Variants in TRIP12 observed in about 807,000 individuals in gnomAD.
TRIP12 encodes the protein thyroid hormone receptor interactor 12, also known as E3 ubiquitin-protein ligase TRIP12.
Under a neutral mutation model 244.2 loss-of-function variants are expected in TRIP12, and 25 were observed. The observed-to-expected ratio is 0.10, with a 90% CI of 0.07 to 0.14. TRIP12 has a LOEUF of 0.14. TRIP12 is among the 10% of genes least tolerant of loss of function. TRIP12 has a pLI of 1.00. For synonymous variants in TRIP12, 905 were observed against 873.1 expected (o/e 1.04, Z -0.64); for missense variants, 1,677 against 2,486.4 (o/e 0.67, Z 6.92).
intron 2 of TRIP12, among the ~76,000 whole-genome samples, chr2:229,875,806 C>CT (rs2063480892): frequency 6.6e-6 from 1 of 152,144 alleles, no homozygotes; most frequent in African/African-American, 2.4e-5. Context: ...GAAACGAAGG[C>CT]TACAATGACA....
At chr2:229,881,162 C>G (rs1342665748) in intron 1 of TRIP12, among the ~76,000 whole-genome samples, 1 of 152,148 alleles carries the variant, frequency 6.6e-6, no homozygotes, top group African/African-American at 2.4e-5. Context: ...TTGTCAGCAA[C>G]AAGAAATTGC....
chr2:229,815,384 T>G (rs2048243496), intron 9 of TRIP12, 76 bp from the exon 10 acceptor site: 1 of 861,366 alleles, frequency 1.2e-6, no homozygotes, highest in South Asian at 1.7e-5. Context: ...CTCTTCTATT[T>G]GAACTTCAAC....
chr2:229,856,223 T>G (rs1193183391), intron 4 of TRIP12, among the ~76,000 whole-genome samples: 1 of 152,078 alleles, frequency 6.6e-6, no homozygotes, highest in Admixed American at 6.5e-5. Context: ...AACGGAAAAG[T>G]GATTTAATAG....
At chr2:229,915,605 G>T (rs2075227297) in intron 1 of TRIP12, among the ~76,000 whole-genome samples, 2 of 118,070 alleles carry the variant, frequency 1.7e-5, no homozygotes, top group Non-Finnish European at 3.5e-5. Flanking sequence ...CACTACTTGG[G>T]ATTAGTGTCC....
chr2:229,797,680 G>T lies in TRIP12; in HGVS notation c.3624+10C>A, dbSNP rs554281615. 73 of 1,612,846 alleles carry T rather than the reference G, an allele frequency of 4.5e-5. No homozygotes were observed. Among genetic ancestry groups the T allele is most frequent in the Non-Finnish European group, 6.0e-5 (71 of 1,179,502 alleles). On this transcript the variant is annotated intron_variant, in intron 24 of 41. Coordinates refer to ENST00000675903, the MANE Select transcript of TRIP12 (RefSeq NM_001348323.3). ...TGAAAAAGACCAGCAAAATGCACTGGACACAGCACCTGGAGGTTGAGTTGT... is the reference window on the plus strand; with the variant it reads ...TGAAAAAGACCAGCAAAATGCACTGTACACAGCACCTGGAGGTTGAGTTGT...
intron 4 of TRIP12, among the ~76,000 whole-genome samples, chr2:229,850,584 G>A (rs12997178): frequency 2.6e-5 from 4 of 152,168 alleles, no homozygotes; most frequent in Non-Finnish European, 4.4e-5. Flanking sequence ...GCTCGCTCTC[G>A]GCGCCTCCTC....
At chr2:229,838,788 T>TTA (rs2055546396) in intron 5 of TRIP12, among the ~76,000 whole-genome samples, 1 of 152,124 alleles carries the variant, frequency 6.6e-6, no homozygotes. Flanking sequence ...AGCAAACAGG[T>TTA]GTACTAAATC....
chr2:229,853,032 T>C (rs1481858903), intron 4 of TRIP12, among the ~76,000 whole-genome samples: 1 of 152,192 alleles, frequency 6.6e-6, no homozygotes, highest in Non-Finnish European at 1.5e-5. Flanking sequence ...AGAATGGTTT[T>C]TCATAAAGCA....
chr2:229,815,263 A>G lies in TRIP12; in HGVS notation c.1635+10T>C. The G allele has an allele frequency of 6.7e-7, 1 of 1,500,046 alleles. No homozygotes were observed. 92.9% of individuals were successfully genotyped at this position (1,500,046 alleles called of 1,614,324 possible). A position where few individuals can be genotyped will look rare whatever the true frequency, so the allele number is the denominator to read the frequency against. On this transcript the variant is annotated intron_variant, in intron 10 of 41. Coordinates refer to ENST00000675903, the MANE Select transcript of TRIP12 (RefSeq NM_001348323.3). ...ATATACACCATTAAAAAAATACAAT[A>G]TATACTTACAATATCAAAATTGTGC...
chr2:229,869,554 A>T (rs1333656405), intron 2 of TRIP12, among the ~76,000 whole-genome samples: 1 of 152,058 alleles, frequency 6.6e-6, no homozygotes, highest in African/African-American at 2.4e-5. Flanking sequence ...CATTCCCCCT[A>T]CCGAGCTGGG....
chr2:229,835,964 T>C lies in TRIP12; in HGVS notation c.1270+884A>G, dbSNP rs534690631. ...TCCTCTCCCACCATATAATTTATCA[T>C]ATAAAACTAAGAAAGTGTAGTGCTT... On this transcript the variant is annotated intron_variant, in intron 6 of 41. Coordinates refer to ENST00000675903, the MANE Select transcript of TRIP12 (RefSeq NM_001348323.3). 3.8e-4 allele frequency among the ~76,000 whole-genome samples: 58 copies of C among 152,282 alleles called. 1 individual carries two copies. Among genetic ancestry groups the C allele is most frequent in the East Asian group, 2.9e-3 (15 of 5,192 alleles).
chr2:229,798,424 C>T (rs1202355916), intron 23 of TRIP12, among the ~76,000 whole-genome samples: 2 of 150,550 alleles, frequency 1.3e-5, no homozygotes, highest in Non-Finnish European at 2.9e-5. Flanking sequence ...TGTTGGTATG[C>T]TACATGCAGA....
rs761569640 is a variant in TRIP12 at position 229,840,931 on chromosome 2, T to C, written c.1028-4A>G. On this transcript the variant is annotated splice_polypyrimidine_tract_variant and splice_region_variant and intron_variant, in intron 4 of 41. Transcript: ENST00000675903. ...TTCTTCGTAGATTTTCTTAAACCTA[T>C]CCACAGAAAATGGAAAAGTGTAATT... The C allele has an allele frequency of 6.3e-7, 1 of 1,577,654 alleles. No individual in the cohort carries two copies. The highest frequency in any genetic ancestry group is 2.2e-5 in the East Asian group (1 of 44,580).
rs771229222 is a variant in TRIP12 at position 229,778,524 on chromosome 2, C to T, written c.5273G>A (p.Arg1758Lys). ...TGCGATATGAGCTGGCTTTGCTGTC[C>T]TACCAAAGGGAAGCGCAAACAGGCC... ...LQGLFALPFG[R>K]TAKPAHIAKV... Residue 1758 changes from arginine (R) to lysine (K), a missense_variant, in exon 36 of 42, where the codon AGG becomes AAG. This residue lies in a region of TRIP12 where 171 missense variants were observed against 388.4 expected (regional missense o/e 0.44). Coordinates refer to ENST00000675903, the MANE Select transcript of TRIP12 (RefSeq NM_001348323.3). This position sits in a 1 kb window ranked among gnomAD's most constrained non-coding sequence, Gnocchi z 4.1. 1.9e-6 allele frequency: 3 copies of T among 1,614,046 alleles called. No individual in the cohort carries two copies. Among genetic ancestry groups the T allele is most frequent in the Non-Finnish European group, 1.7e-6 (2 of 1,179,918 alleles).
chr2:229,790,939 CTTAAT>C (rs953045557), intron 30 of TRIP12, among the ~76,000 whole-genome samples, 180 bp downstream of exon 30: 3 of 152,096 alleles, frequency 2.0e-5, no homozygotes, highest in Non-Finnish European at 4.4e-5. Context: ...TTTGTAGGTA[CTTAAT>C]TTTTCATTTT....
chr2:229,791,665 C>T lies in TRIP12; in HGVS notation c.4415+201G>A, dbSNP rs142750138. On this transcript the variant is annotated intron_variant, in intron 29 of 41. Transcript: ENST00000675903. ...ACCATGATTACTGTCCATGGATATA[C>T]ATTTTCCGGTAGAATGAATGAGGAG... is the stretch of plus-strand genomic sequence containing the variant. 61 of 599,346 alleles carry T rather than the reference C, an allele frequency of 1.0e-4. No individual in the cohort carries two copies. The East Asian group carries it at 1.6e-3, about 16-fold the overall frequency. The allele number at this position is 599,346 out of a possible 1,614,324, so 37.1% of individuals were successfully genotyped here.
intron 4 of TRIP12, among the ~76,000 whole-genome samples, chr2:229,851,759 G>A (rs1021737527): frequency 5.3e-5 from 8 of 151,888 alleles, no homozygotes; most frequent in African/African-American, 1.5e-4. Context: ...CACTCACCGC[G>A]CAGCTTCACT....
intron 7 of TRIP12, among the ~76,000 whole-genome samples, chr2:229,830,272 C>T (rs1281313503): frequency 1.3e-5 from 2 of 152,130 alleles, no homozygotes; most frequent in Non-Finnish European, 2.9e-5. Flanking sequence ...ATTTATGCTG[C>T]AGGTTGCAAT....
intron 26 of TRIP12, 24 bp downstream of exon 26, chr2:229,795,155 G>GTATA: frequency 4.3e-6 from 7 of 1,609,222 alleles, no homozygotes; most frequent in Non-Finnish European, 5.9e-6. Flanking sequence ...AGTGGCAAGG[G>GTATA]TATAGCCAGG....
Sources: gnomAD v4.1 joint callset for allele counts (sites outside exome capture counted in the v4.1 genomes callset) on GRCh38, gnomAD v4.1.1 for gene constraint, gnomAD v4.1.1 regional missense constraint, Gnocchi (gnomAD v3.1) non-coding constraint, MANE v1.5 for transcripts, NCBI Gene and HGNC (gene_info 2026-07-23, HGNC 2026-07-21) for gene names.